EIF4G3: variants seen among roughly 807,000 people sequenced by gnomAD.
EIF4G3 encodes the protein eukaryotic translation initiation factor 4 gamma 3, also known as eIF-4-gamma 3.
A neutral mutation model predicts 186.4 loss-of-function variants in EIF4G3; 34 were observed. The ratio of observed to expected loss-of-function variants is 0.18; its 90% CI spans 0.14 to 0.24. The LOEUF is 0.24. Among genes scored for constraint, EIF4G3 ranks in the 10% least tolerant of loss-of-function variants. The pLI, the probability that EIF4G3 is intolerant of heterozygous loss-of-function variation, is 1.00. For missense variants in EIF4G3, 1,536 were observed against 1,948.5 expected, an observed-to-expected ratio of 0.79 and a Z score of 3.99; for synonymous variants, 673 against 679.5, an observed-to-expected ratio of 0.99 and a Z score of 0.15.
intron 15 of EIF4G3, among the ~76,000 whole-genome samples, chr1:20,903,591 C>G (rs1475287196): frequency 6.6e-6 from 1 of 152,136 alleles, no homozygotes; most frequent in African/African-American, 2.4e-5. Flanking sequence ...ACTATTTGCA[C>G]CTCTATACCT....
At chr1:21,010,735 T>C (rs2086799911) in intron 4 of EIF4G3, among the ~76,000 whole-genome samples, 2 of 152,350 alleles carry the variant, frequency 1.3e-5, no homozygotes, top group African/African-American at 2.4e-5. Context: ...GAGTTCTATA[T>C]TTTATATCAC....
At chr1:21,015,283 A>G (rs10799679) in intron 4 of EIF4G3, among the ~76,000 whole-genome samples, 61,567 of 151,924 alleles carry the variant, frequency 0.41, 12,795 homozygotes, top group Non-Finnish European at 0.43. Flanking sequence ...GGGACTTATG[A>G]GACACCATCA....
At chr1:20,923,809 C>CTATA (rs10587649) in intron 14 of EIF4G3, among the ~76,000 whole-genome samples, 3,897 of 143,836 alleles carry the variant, frequency 0.027, 143 homozygotes, top group African/African-American at 0.089. Context: ...TTACCCATCC[C>CTATA]TATATATATA....
chr1:20,812,232 T>C (rs1183429878), intron 35 of EIF4G3, among the ~76,000 whole-genome samples: 1 of 152,204 alleles, frequency 6.6e-6, no homozygotes, highest in Non-Finnish European at 1.5e-5. Flanking sequence ...AGGTCCAGCC[T>C]GGGCAACACA....
At chr1:21,115,048 T>C (rs917405513) in intron 2 of EIF4G3, among the ~76,000 whole-genome samples, 2 of 152,232 alleles carry the variant, frequency 1.3e-5, no homozygotes, top group Admixed American at 6.5e-5. Flanking sequence ...ATTTTCACAG[T>C]TGGCGAAAAT....
intron 2 of EIF4G3, among the ~76,000 whole-genome samples, chr1:21,099,733 T>C (rs1028415656): frequency 6.6e-6 from 1 of 152,214 alleles, no homozygotes; most frequent in Admixed American, 6.5e-5. Context: ...GTTTTCTGTG[T>C]CTTCTACACA....
intron 2 of EIF4G3, among the ~76,000 whole-genome samples, chr1:21,117,756 A>AAAAAAAAAAAAAAAAAAAAAAAAAAAC (rs2096853293): frequency 6.8e-6 from 1 of 146,958 alleles, no homozygotes; most frequent in Non-Finnish European, 1.5e-5. Flanking sequence ...AAAAAAAAAA[A>AAAAAAAAAAAAAAAAAAAAAAAAAAAC]AAAAATTAAA....
chr1:20,813,858 C>CA (rs1557732812), intron 34 of EIF4G3, among the ~76,000 whole-genome samples: 1 of 147,066 alleles, frequency 6.8e-6, no homozygotes, highest in Non-Finnish European at 1.5e-5. Context: ...AAACAAAAAA[C>CA]AAAAAACAAA....
At chr1:21,047,378 C>G (rs1050225936) in intron 4 of EIF4G3, among the ~76,000 whole-genome samples, 4 of 152,174 alleles carry the variant, frequency 2.6e-5, no homozygotes, top group Non-Finnish European at 5.9e-5. Flanking sequence ...TTTCATTTTA[C>G]TTTTGGGGGT....
chr1:21,005,132 G>C (rs1392285003), intron 4 of EIF4G3, among the ~76,000 whole-genome samples: 1 of 152,140 alleles, frequency 6.6e-6, no homozygotes, highest in East Asian at 1.9e-4. Context: ...AAGGCTGAAA[G>C]TTTGACTATT....
At chr1:21,138,832 C>A (rs1024943753) in intron 2 of EIF4G3, among the ~76,000 whole-genome samples, 2 of 152,056 alleles carry the variant, frequency 1.3e-5, no homozygotes, top group Non-Finnish European at 2.9e-5. Context: ...AAAAAAATCA[C>A]TTCCTCATGG....
intron 4 of EIF4G3, among the ~76,000 whole-genome samples, chr1:21,039,255 G>A (rs968930933): frequency 1.1e-4 from 16 of 152,146 alleles, no homozygotes; most frequent in Non-Finnish European, 1.9e-4. Context: ...CCAAAAAAAC[G>A]AAGCCAGGCC....
intron 12 of EIF4G3, among the ~76,000 whole-genome samples, chr1:20,958,931 A>G (rs1452179687): frequency 6.6e-6 from 1 of 152,154 alleles, no homozygotes; most frequent in East Asian, 1.9e-4. Flanking sequence ...GCATCCCATA[A>G]TCATAGACTG....
In EIF4G3 at chr1:20,807,082, T is replaced by C. The variant is rs1470243408; in HGVS notation, c.*237A>G. On this transcript the variant is annotated 3_prime_UTR_variant, in exon 37 of 37. Coordinates refer to ENST00000602326, the MANE Select transcript of EIF4G3 (RefSeq NM_001391906.1). The stretch of plus-strand genomic sequence containing the variant: ...AAAGATTAAAACAGAAAATATTTTC[T>C]ATAAATAATACATGTATTTTGGTTT... The C allele has an allele frequency of 6.5e-6, 2 of 309,656 alleles. No homozygotes were observed. The highest frequency in any genetic ancestry group is 5.0e-5 in the Admixed American group (1 of 20,170). The allele number at this position is 309,656 out of a possible 1,614,324, so 19.2% of individuals were successfully genotyped here.
chr1:20,958,157 C>T (rs767748049), intron 12 of EIF4G3, among the ~76,000 whole-genome samples: 32 of 152,142 alleles, frequency 2.1e-4, no homozygotes, highest in Non-Finnish European at 3.1e-4. Flanking sequence ...CAACAAAATA[C>T]TAGCTAACCA....
chr1:20,848,212 CT>C (rs775711581), intron 29 of EIF4G3, among the ~76,000 whole-genome samples: 84 of 152,328 alleles, frequency 5.5e-4, no homozygotes, highest in South Asian at 1.5e-3. Flanking sequence ...AGTGATCCTC[CT>C]GCCTCAGCTC....
intron 3 of EIF4G3, among the ~76,000 whole-genome samples, chr1:21,068,396 A>AAAAAAAAAAAAAC (rs1200202846): frequency 1.1e-4 from 16 of 148,696 alleles, no homozygotes; most frequent in South Asian, 2.1e-4. Context: ...AAAAAAAAAA[A>AAAAAAAAAAAAAC]AAAACAGAAT....
intron 7 of EIF4G3, among the ~76,000 whole-genome samples, chr1:20,985,529 A>AAAAT: frequency 6.6e-6 from 1 of 151,060 alleles, no homozygotes; most frequent in Non-Finnish European, 1.5e-5. Flanking sequence ...AAAAAAAAAA[A>AAAAT]ATATATATCC....
intron 2 of EIF4G3, among the ~76,000 whole-genome samples, chr1:21,105,391 T>C (rs1421650619): frequency 1.3e-5 from 2 of 151,568 alleles, no homozygotes; most frequent in Admixed American, 6.6e-5. Context: ...GATTGCGCCA[T>C]TGCACTCCAG....
Sources: gnomAD v4.1 joint callset for allele counts (sites outside exome capture counted in the v4.1 genomes callset) on GRCh38, gnomAD v4.1.1 for gene constraint, MANE v1.5 for transcripts, NCBI Gene and HGNC (gene_info 2026-07-23, HGNC 2026-07-21) for gene names.